Variants in MAGI2 observed in about 807,000 individuals in gnomAD.
The protein encoded by MAGI2 is membrane associated guanylate kinase, WW and PDZ domain containing 2, also known as membrane-associated guanylate kinase, WW and PDZ domain-containing protein 2.
In MAGI2, 35 loss-of-function variants were observed where a neutral mutation model predicts 133.3. The observed-to-expected ratio is 0.26, with a 90% CI of 0.20 to 0.35. The LOEUF (loss-of-function observed/expected upper bound fraction) is 0.35. Ranked by LOEUF, MAGI2 falls within the 10% of genes least tolerant of loss-of-function variation. The probability of loss-of-function intolerance (pLI) is 1.00; values close to 1 mark genes in which losing one functional copy is unlikely to be tolerated. For synonymous variants in MAGI2, 729 were observed against 710.6 expected, an observed-to-expected ratio of 1.03 and a Z score of -0.41; for missense variants, 1,636 against 1,863.4, an observed-to-expected ratio of 0.88 and a Z score of 2.25.
chr7:78,705,634 C>T (rs1409274643), intron 2 of MAGI2, among the ~76,000 whole-genome samples: 1 of 152,078 alleles, frequency 6.6e-6, no homozygotes, highest in Admixed American at 6.6e-5. Flanking sequence ...GAAGCTGATT[C>T]TCATTTTGTT....
At chr7:78,913,468 T>G (rs897771368) in intron 2 of MAGI2, among the ~76,000 whole-genome samples, 1 of 152,276 alleles carries the variant, frequency 6.6e-6, no homozygotes, top group Non-Finnish European at 1.5e-5. Flanking sequence ...GAAACCACTA[T>G]GCTTCCCATA....
chr7:78,206,449 G>A lies in MAGI2; in HGVS notation c.2048-5256C>T, dbSNP rs1273662686. ...TGGGACTACAGGTGTGTGCCACCAT[G>A]CCCAGCTAATTTTTGTATTTTTTAG... On this transcript the variant is annotated intron_variant, in intron 10 of 21. Coordinates refer to ENST00000354212, the MANE Select transcript of MAGI2 (RefSeq NM_012301.4). Among the ~76,000 whole-genome samples, 8 of 151,926 alleles carry A rather than the reference G, an allele frequency of 5.3e-5. No homozygotes were observed. In the East Asian group the frequency reaches 1.4e-3, roughly 26 times the overall value.
At chr7:78,448,472 G>A (rs1463887769) in intron 6 of MAGI2, among the ~76,000 whole-genome samples, 1 of 151,664 alleles carries the variant, frequency 6.6e-6, no homozygotes, top group Non-Finnish European at 1.5e-5. Flanking sequence ...TTATTCACAG[G>A]CATCTGGAAA....
intron 2 of MAGI2, among the ~76,000 whole-genome samples, chr7:78,777,635 T>C (rs987175828): frequency 2.6e-5 from 4 of 152,210 alleles, no homozygotes; most frequent in Non-Finnish European, 5.9e-5. Flanking sequence ...ACAAAGTAAG[T>C]GCTAGCTTTC....
At chr7:79,212,641 A>G (rs1829599645) in intron 1 of MAGI2, among the ~76,000 whole-genome samples, 1 of 152,106 alleles carries the variant, frequency 6.6e-6, no homozygotes, top group South Asian at 2.1e-4. Context: ...CTCTTCTTAC[A>G]GGGCCACCTG....
intron 2 of MAGI2, among the ~76,000 whole-genome samples, chr7:78,670,878 A>T (rs1814299362): frequency 6.6e-6 from 1 of 152,206 alleles, no homozygotes; most frequent in African/African-American, 2.4e-5. Flanking sequence ...ATCATTAAAA[A>T]TTTTATAAAA....
intron 1 of MAGI2, among the ~76,000 whole-genome samples, chr7:79,215,019 T>G (rs926221954): frequency 6.6e-6 from 1 of 151,366 alleles, no homozygotes; most frequent in Non-Finnish European, 1.5e-5. Flanking sequence ...AAAATAAAAT[T>G]ATAAGCCTCC....
At chr7:79,155,103 T>C (rs946200729) in intron 1 of MAGI2, among the ~76,000 whole-genome samples, 1 of 152,180 alleles carries the variant, frequency 6.6e-6, no homozygotes, top group Non-Finnish European at 1.5e-5. Context: ...GGCATCAAAG[T>C]AATAGCAATA....
At chr7:78,676,675 GTTTATT>G (rs1273781631) in intron 2 of MAGI2, among the ~76,000 whole-genome samples, 2 of 151,962 alleles carry the variant, frequency 1.3e-5, no homozygotes, top group African/African-American at 2.4e-5. Context: ...GGTGTTTTCA[GTTTATT>G]TTTATTATTT....
Position 79,405,857 on chromosome 7 carries a change from G to A in MAGI2, c.301+47163C>T, listed in dbSNP as rs554051416. Among the ~76,000 whole-genome samples, 11 of 145,926 alleles carry A rather than the reference G, an allele frequency of 7.5e-5. No homozygotes were observed. In the South Asian group the frequency reaches 1.7e-3, roughly 23 times the overall value. On this transcript the variant is annotated intron_variant, in intron 1 of 21. Coordinates refer to ENST00000354212, the MANE Select transcript of MAGI2 (RefSeq NM_012301.4). ...CAAAATATCCTTTGTTCTGATAAGA[G>A]ACACATCATATTCCCCTCTAGGGTG...
intron 2 of MAGI2, among the ~76,000 whole-genome samples, chr7:78,903,731 AGTGT>A (rs57469274): frequency 2.7e-5 from 4 of 150,726 alleles, no homozygotes; most frequent in African/African-American, 4.9e-5. Flanking sequence ...CAAAGGCAAA[AGTGT>A]GTGTGTGTGT....
intron 6 of MAGI2, among the ~76,000 whole-genome samples, chr7:78,447,519 A>G (rs1401481360): frequency 6.6e-6 from 1 of 152,128 alleles, no homozygotes; most frequent in Non-Finnish European, 1.5e-5. Context: ...ACTGTTCAGC[A>G]TTGCACTGGA....
chr7:79,163,704 A>T (rs12534678), intron 1 of MAGI2, among the ~76,000 whole-genome samples: 108,941 of 151,666 alleles, frequency 0.72, 40,984 homozygotes, highest in Non-Finnish European at 0.84. Context: ...TAAGGATGCA[A>T]GCAGGGATTA....
chr7:78,135,270 GC>G (rs1821993571), intron 16 of MAGI2, 64 bp from the exon 17 acceptor site: 1 of 1,342,340 alleles, frequency 7.4e-7, no homozygotes, highest in Admixed American at 1.8e-5. Flanking sequence ...TTCAGTCCCA[GC>G]CCCAAAGGAA....
chr7:78,669,570 A>T (rs1246102591), intron 2 of MAGI2, among the ~76,000 whole-genome samples: 1 of 152,150 alleles, frequency 6.6e-6, no homozygotes, highest in Non-Finnish European at 1.5e-5. Context: ...AACTCATTTT[A>T]TGAGGCCAGC....
chr7:78,172,397 G>A (rs1449620412), intron 14 of MAGI2, among the ~76,000 whole-genome samples: 1 of 152,164 alleles, frequency 6.6e-6, no homozygotes, highest in Non-Finnish European at 1.5e-5. Flanking sequence ...CCAAAGACTA[G>A]GTCTGTCATC....
rs958197546 is a variant in MAGI2 at position 78,844,828 on chromosome 7, A to T, written c.418+162262T>A. Among the ~76,000 whole-genome samples, 8 of 148,414 alleles carry T rather than the reference A, an allele frequency of 5.4e-5. 1 individual carries two copies. The highest frequency in any genetic ancestry group is 7.5e-5 in the Non-Finnish European group (5 of 66,292). On this transcript the variant is annotated intron_variant, in intron 2 of 21. Coordinates refer to ENST00000354212, the MANE Select transcript of MAGI2 (RefSeq NM_012301.4). ...GGCATATGAATTGTATCTCAATAAA[A>T]ATAAACAAAAAAAATCCATCTATTA...
intron 1 of MAGI2, among the ~76,000 whole-genome samples, chr7:79,389,074 T>C (rs1844414100): frequency 6.6e-6 from 1 of 151,996 alleles, no homozygotes; most frequent in African/African-American, 2.4e-5. Flanking sequence ...AAACAAAAAG[T>C]TGATCTTAAG....
chr7:78,746,730 T>G (rs1189861370), intron 2 of MAGI2, among the ~76,000 whole-genome samples: 1 of 152,196 alleles, frequency 6.6e-6, no homozygotes, highest in Non-Finnish European at 1.5e-5. Flanking sequence ...AGTACAGGTT[T>G]TAATGTTTTA....
Sources: allele counts gnomAD v4.1 joint callset (sites outside exome capture counted in the v4.1 genomes callset), GRCh38; gene constraint gnomAD v4.1.1; transcripts MANE v1.5; gene names NCBI Gene and HGNC (gene_info 2026-07-23, HGNC 2026-07-21).